Variants in ARNT2 observed in about 807,000 individuals in gnomAD.
The protein encoded by ARNT2 is aryl hydrocarbon receptor nuclear translocator 2.
Under a neutral mutation model 91.7 loss-of-function variants are expected in ARNT2, and 36 were observed. That is an observed-to-expected ratio of 0.39 (90% CI 0.30 to 0.52). ARNT2 has a LOEUF of 0.52. Ranked by LOEUF, ARNT2 falls within the 20% of genes least tolerant of loss-of-function variation. The pLI is 0.72. For missense variants in ARNT2, 775 were observed against 939.3 expected, an observed-to-expected ratio of 0.83 and a Z score of 2.29; for synonymous variants, 365 against 347.1, an observed-to-expected ratio of 1.05 and a Z score of -0.57.
intron 5 of ARNT2, among the ~76,000 whole-genome samples, chr15:80,500,759 T>C (rs1405019463): frequency 1.9e-4 from 29 of 152,236 alleles, no homozygotes. Context: ...TTGTGGGCCA[T>C]GTTGTGTTTG....
intron 5 of ARNT2, among the ~76,000 whole-genome samples, chr15:80,505,895 T>C (rs1390940093): frequency 6.8e-6 from 1 of 146,620 alleles, no homozygotes; most frequent in Non-Finnish European, 1.5e-5. Context: ...GGTCTGGCTG[T>C]GTTAAAGAAA....
At chr15:80,589,988 G>A (rs1893244805) in intron 17 of ARNT2, among the ~76,000 whole-genome samples, 1 of 152,146 alleles carries the variant, frequency 6.6e-6, no homozygotes, top group Admixed American at 6.5e-5. Flanking sequence ...AGCACCAATG[G>A]TAAGGCATTA....
At chr15:80,565,883 G>A (rs1198831168) in intron 12 of ARNT2, among the ~76,000 whole-genome samples, 1 of 149,678 alleles carries the variant, frequency 6.7e-6, no homozygotes, top group Non-Finnish European at 1.5e-5. Context: ...TGTTTTTTCT[G>A]TGCAGAAGCT....
At chr15:80,421,533 AT>A (rs1895861820) in intron 1 of ARNT2, among the ~76,000 whole-genome samples, 1 of 152,206 alleles carries the variant, frequency 6.6e-6, no homozygotes, top group Non-Finnish European at 1.5e-5. Flanking sequence ...AAAGAAAGTC[AT>A]TTTTAACCTA....
intron 17 of ARNT2, among the ~76,000 whole-genome samples, chr15:80,590,174 C>T (rs1289837622): frequency 1.3e-5 from 2 of 152,086 alleles, no homozygotes; most frequent in African/African-American, 2.4e-5. Context: ...GAGGCTTCCC[C>T]GTGGCCAGCA....
In ARNT2 at chr15:80,596,933, T is replaced by TCACAGAACACA; in HGVS notation, c.*3235_*3236insCACAGAACACA. 1 of 355,900 alleles carries TCACAGAACACA rather than the reference T, an allele frequency of 2.8e-6. No individual in the cohort carries two copies. The highest frequency in any genetic ancestry group is 5.5e-6 in the Non-Finnish European group (1 of 180,672). 22.0% of individuals were successfully genotyped at this position (355,900 alleles called of 1,614,324 possible). On this transcript the variant is annotated 3_prime_UTR_variant, in exon 19 of 19. Transcript: ENST00000303329. ...CCATGCGTCACTCCCCCCAGTTTTA[T>TCACAGAACACA]TTTTAGCTTTGGCTTCAGGGAGTGA...
intron 1 of ARNT2, among the ~76,000 whole-genome samples, chr15:80,436,785 C>A (rs183955062): frequency 1.3e-5 from 2 of 152,166 alleles, no homozygotes; most frequent in Non-Finnish European, 2.9e-5. Context: ...AGTATTTGTC[C>A]CACTCTCCTT....
intron 1 of ARNT2, among the ~76,000 whole-genome samples, chr15:80,419,535 T>C (rs531097143): frequency 6.6e-6 from 1 of 152,180 alleles, no homozygotes; most frequent in African/African-American, 2.4e-5. Flanking sequence ...AATTAATGAG[T>C]GGACTGTGCT....
chr15:80,548,776 A>G (rs1898031548), intron 8 of ARNT2, among the ~76,000 whole-genome samples: 1 of 152,188 alleles, frequency 6.6e-6, no homozygotes, highest in African/African-American at 2.4e-5. Flanking sequence ...ATGAGAAAAC[A>G]TCCTTTGTTC....
intron 1 of ARNT2, among the ~76,000 whole-genome samples, chr15:80,440,411 GT>G (rs1896170439): frequency 6.6e-6 from 1 of 152,160 alleles, no homozygotes; most frequent in Non-Finnish European, 1.5e-5. Flanking sequence ...TGCTGGGTCT[GT>G]TTTATTTTTA....
At chr15:80,494,918 C>T (rs939408161) in intron 5 of ARNT2, among the ~76,000 whole-genome samples, 13 of 152,116 alleles carry the variant, frequency 8.5e-5, no homozygotes, top group Non-Finnish European at 1.6e-4. Flanking sequence ...GCTGCCTGCT[C>T]CTTGCCTAGT....
chr15:80,417,787 G>T (rs1328201952), intron 1 of ARNT2, among the ~76,000 whole-genome samples: 1 of 152,120 alleles, frequency 6.6e-6, no homozygotes, highest in Non-Finnish European at 1.5e-5. Context: ...CATTTTCCCA[G>T]CTGTGAAATG....
chr15:80,575,993 G>C (rs1022925759), intron 14 of ARNT2, among the ~76,000 whole-genome samples: 18 of 152,188 alleles, frequency 1.2e-4, no homozygotes, highest in African/African-American at 3.9e-4. Flanking sequence ...AGGCACTGTC[G>C]TAAGCACTTA....
intron 1 of ARNT2, among the ~76,000 whole-genome samples, chr15:80,434,935 T>C (rs964668121): frequency 1.3e-5 from 2 of 152,106 alleles, no homozygotes; most frequent in African/African-American, 4.8e-5. Flanking sequence ...AGGGGAGCTG[T>C]TTGAGGCCAC....
chr15:80,574,906 G>A, intron 13 of ARNT2, 81 bp from the exon 14 acceptor site: 1 of 1,501,014 alleles, frequency 6.7e-7, no homozygotes, highest in South Asian at 1.3e-5. Context: ...CTCTGATGAA[G>A]GAGAGCTGGT....
Position 80,446,843 on chromosome 15 carries a change from C to A in ARNT2, c.32-4037C>A, listed in dbSNP as rs375366418. Among the ~76,000 whole-genome samples the A allele has an allele frequency of 4.5e-4, 68 of 152,262 alleles. 1 individual carries two copies. The South Asian group carries it at 0.013, about 30-fold the overall frequency. On this transcript the variant is annotated intron_variant, in intron 1 of 18. Coordinates refer to ENST00000303329, the MANE Select transcript of ARNT2 (RefSeq NM_014862.4). ...TTGGACACTTACTATTTAAAAAGGG[C>A]TTCCCCTTCCTCTGTCTCTGTCTCA...
chr15:80,587,407 G>C (rs963118247), intron 17 of ARNT2, among the ~76,000 whole-genome samples: 4 of 151,490 alleles, frequency 2.6e-5, no homozygotes, highest in Non-Finnish European at 4.4e-5. Context: ...TTGGTTTGGT[G>C]GGGGGGTGGG....
intron 5 of ARNT2, among the ~76,000 whole-genome samples, chr15:80,477,135 A>G (rs1896818862): frequency 6.6e-6 from 1 of 152,244 alleles, no homozygotes; most frequent in African/African-American, 2.4e-5. Flanking sequence ...CTCAGAGGCC[A>G]AGCAGATATC....
At chr15:80,504,297 T>C (rs1175975068) in intron 5 of ARNT2, among the ~76,000 whole-genome samples, 2 of 152,258 alleles carry the variant, frequency 1.3e-5, no homozygotes, top group African/African-American at 4.8e-5. Flanking sequence ...TCTATTCTCA[T>C]CGACTTTAGT....
Sources: allele counts gnomAD v4.1 joint callset (sites outside exome capture counted in the v4.1 genomes callset), GRCh38; gene constraint gnomAD v4.1.1; transcripts MANE v1.5; gene names NCBI Gene and HGNC (gene_info 2026-07-23, HGNC 2026-07-21).